Variants in TANC2 observed in about 807,000 individuals in gnomAD.
The protein encoded by TANC2 is tetratricopeptide repeat, ankyrin repeat and coiled-coil containing 2.
In TANC2, 26 loss-of-function variants were observed where a neutral mutation model predicts 210.5. The ratio of observed to expected loss-of-function variants is 0.12; its 90% CI spans 0.09 to 0.17. The LOEUF (loss-of-function observed/expected upper bound fraction) is 0.17. Among genes scored for constraint, TANC2 ranks in the 10% least tolerant of loss-of-function variants. TANC2 has a pLI of 1.00. For synonymous variants in TANC2, 931 were observed against 967.1 expected (o/e 0.96, Z 0.69); for missense variants, 2,129 against 2,608.9 (o/e 0.82, Z 4.01).
chr17:63,421,777 G>A lies in TANC2; in HGVS notation c.6047G>A (p.Gly2016Glu). The change falls in exon 28 of 28, where the codon GGA becomes GAA. Residue 2016 changes from glycine (G) to glutamate (E), a missense_variant. This residue lies in a region of TANC2 where 161 missense variants were observed against 178.6 expected (regional missense o/e 0.90). Coordinates refer to ENST00000689528, the Ensembl canonical transcript of TANC2. The surrounding 1 kb of genome is among the most constrained non-coding windows in gnomAD (Gnocchi z 6.9). ...GGGATGCTGGCTAACGGGTCTCGTGGAGACCTCTTGGAGCGAGTCAGCCAG... is the reference window on the plus strand; with the variant it reads ...GGGATGCTGGCTAACGGGTCTCGTGAAGACCTCTTGGAGCGAGTCAGCCAG... 6.2e-7 allele frequency: 1 copy of A among 1,614,020 alleles called. No homozygotes were observed. The highest frequency in any genetic ancestry group is 1.1e-5 in the South Asian group (1 of 91,088).
At chr17:63,042,188 A>AT (rs1384981923) in intron 2 of TANC2, among the ~76,000 whole-genome samples, 1 of 152,150 alleles carries the variant, frequency 6.6e-6, no homozygotes, top group African/African-American at 2.4e-5. Context: ...TCTTATATTT[A>AT]AATGGTAATA....
chr17:63,334,235 G>A (rs1346210361), intron 11 of TANC2: 1 of 152,162 alleles, frequency 6.6e-6, no homozygotes, highest in African/African-American at 2.4e-5. Context: ...TAGAGAAGTA[G>A]ATGATCCCAG....
At chr17:63,111,621 A>G (rs1424309557) in intron 4 of TANC2, among the ~76,000 whole-genome samples, 5 of 151,886 alleles carry the variant, frequency 3.3e-5, no homozygotes, top group Admixed American at 1.3e-4. Flanking sequence ...CTCTCTTTGT[A>G]TATTTCTTTT....
intron 2 of TANC2, among the ~76,000 whole-genome samples, chr17:63,028,428 A>G (rs994239708): frequency 1.3e-5 from 2 of 152,126 alleles, no homozygotes; most frequent in African/African-American, 2.4e-5. Context: ...CTAGACATAT[A>G]TGTACTAAGT....
chr17:62,984,318 T>C (rs1461015113), intron 1 of TANC2, among the ~76,000 whole-genome samples: 3 of 152,242 alleles, frequency 2.0e-5, no homozygotes, highest in South Asian at 4.1e-4. Flanking sequence ...CATTGTGATA[T>C]CTTCTCTTTC....
chr17:62,977,299 T>A (rs964661046), intron 1 of TANC2, among the ~76,000 whole-genome samples: 9 of 152,220 alleles, frequency 5.9e-5, no homozygotes, highest in Non-Finnish European at 1.3e-4. Flanking sequence ...TAAATGAACT[T>A]GACTCATTTT....
At position 63,233,314 on chromosome 17, in the gene TANC2, C is replaced by G. The variant is rs147622053; in HGVS notation, c.770-4500C>G. On this transcript the variant is annotated intron_variant, in intron 7 of 27. Transcript: ENST00000689528. ...GAGGCCGCCGAGAATCTGCACAGCTCTGTGCTTGGGACCCAAACCCTGGTG... is the reference window on the plus strand; with the variant it reads ...GAGGCCGCCGAGAATCTGCACAGCTGTGTGCTTGGGACCCAAACCCTGGTG... 2.5e-3 allele frequency among the ~76,000 whole-genome samples: 388 copies of G among 152,296 alleles called. 1 individual carries two copies. Among genetic ancestry groups the G allele is most frequent in the South Asian group, 0.013 (61 of 4,826 alleles).
At chr17:63,085,053 G>A (rs2036909139) in intron 3 of TANC2, among the ~76,000 whole-genome samples, 1 of 152,126 alleles carries the variant, frequency 6.6e-6, no homozygotes, top group South Asian at 2.1e-4. Context: ...TGCTGGATCT[G>A]TCCATTTCTG....
rs1174108537 is a variant in TANC2, at chr17:62,969,672, A to G, written c.-24+2923A>G. ...AAGGGAACTTCAGAGGTAAAAAGTT[A>G]ATTTCAAGTAGTTTAATATAGTGTG... On this transcript the variant is annotated intron_variant, in intron 1 of 27. Transcript: ENST00000689528. Among the ~76,000 whole-genome samples the G allele has an allele frequency of 4.0e-5, 6 of 151,232 alleles. No homozygotes were observed. The East Asian group carries it at 9.7e-4, about 24-fold the overall frequency.
intron 3 of TANC2, 144 bp downstream of exon 3, chr17:63,074,158 A>G: frequency 1.9e-6 from 1 of 533,288 alleles, no homozygotes; most frequent in Non-Finnish European, 3.1e-6. Flanking sequence ...GATATGATGT[A>G]AAAATCTATA....
chr17:63,208,782 A>G (rs2041797895), intron 7 of TANC2, among the ~76,000 whole-genome samples: 1 of 151,934 alleles, frequency 6.6e-6, no homozygotes, highest in Admixed American at 6.6e-5. Context: ...TGCGTTTGTC[A>G]GTGTTATGTC....
intron 2 of TANC2, among the ~76,000 whole-genome samples, chr17:63,033,540 A>G (rs1454177125): frequency 6.6e-6 from 1 of 152,124 alleles, no homozygotes; most frequent in Non-Finnish European, 1.5e-5. Context: ...AGGAAACTAT[A>G]AGGGTTTTAG....
intron 11 of TANC2, among the ~76,000 whole-genome samples, chr17:63,329,649 C>T (rs1040549102): frequency 1.3e-5 from 2 of 152,040 alleles, no homozygotes; most frequent in African/African-American, 2.4e-5. Context: ...TGGTAATCTG[C>T]GATCAGTAGT....
Position 63,115,940 on chromosome 17 carries a change from T to A in TANC2, c.322+16583T>A, listed in dbSNP as rs75052975. Among the ~76,000 whole-genome samples the A allele has an allele frequency of 1.5e-3, 228 of 152,302 alleles. 2 individuals carry two copies. The East Asian group carries it at 0.036, about 24-fold the overall frequency. The stretch of plus-strand genomic sequence containing the variant: ...GCATGTCCATCCCACTACATTGCAA[T>A]TCTTTTTAGTCACATTTTACTGAGG... On this transcript the variant is annotated intron_variant, in intron 4 of 27. Coordinates refer to ENST00000689528, the Ensembl canonical transcript of TANC2.
At chr17:62,967,791 C>T (rs2031440143) in intron 1 of TANC2, 1 of 149,298 alleles carries the variant, frequency 6.7e-6, no homozygotes, top group African/African-American at 2.5e-5. Flanking sequence ...AACGGCAGTA[C>T]TAAAATATTC....
intron 2 of TANC2, among the ~76,000 whole-genome samples, chr17:63,026,789 T>G (rs1456618105): frequency 2.6e-5 from 4 of 152,230 alleles, no homozygotes; most frequent in African/African-American, 9.6e-5. Context: ...ATTCCAACTT[T>G]AGGATTATGC....
At chr17:63,376,766 G>A (rs2047436303) in intron 14 of TANC2, among the ~76,000 whole-genome samples, 1 of 151,280 alleles carries the variant, frequency 6.6e-6, no homozygotes, top group Admixed American at 6.6e-5. Flanking sequence ...GAAGGTGTGA[G>A]TCCAGGGTTC....
In TANC2 at chr17:63,365,913, T is replaced by C. The variant is rs79338052; in HGVS notation, c.2582+10523T>C. On this transcript the variant is annotated intron_variant, in intron 14 of 27. Transcript: ENST00000689528. Reference sequence around the variant, plus strand: ...CTCCTTTCTAACACTTATCACAATTTATTATTAATTGTAGGTGAATACTCG... The same window carrying C: ...CTCCTTTCTAACACTTATCACAATTCATTATTAATTGTAGGTGAATACTCG... Among the ~76,000 whole-genome samples, 838 of 152,190 alleles carry C rather than the reference T, an allele frequency of 5.5e-3. 7 individuals are homozygous for C. Among genetic ancestry groups the C allele is most frequent in the African/African-American group, 0.018 (746 of 41,506 alleles).
rs143935623 is a variant in TANC2, at chr17:63,256,552, A to G, written c.1034-11196A>G. Among the ~76,000 whole-genome samples the G allele has an allele frequency of 3.8e-3, 583 of 152,310 alleles. 1 individual carries two copies. Among genetic ancestry groups the G allele is most frequent in the Non-Finnish European group, 5.8e-3 (397 of 68,026 alleles). ...TGAGAATGATCCATGTGCTGAAAAGAAGAATGTCTATTCTGCAGCCATTGG... is the reference window on the plus strand; with the variant it reads ...TGAGAATGATCCATGTGCTGAAAAGGAGAATGTCTATTCTGCAGCCATTGG... On this transcript the variant is annotated intron_variant, in intron 8 of 27. Transcript: ENST00000689528.
Sources: gnomAD v4.1 joint callset for allele counts (sites outside exome capture counted in the v4.1 genomes callset) on GRCh38, gnomAD v4.1.1 for gene constraint, gnomAD v4.1.1 regional missense constraint, Gnocchi (gnomAD v3.1) non-coding constraint, MANE v1.5 for transcripts, NCBI Gene and HGNC (gene_info 2026-07-23, HGNC 2026-07-21) for gene names.